The following CD180 variants were observed in gnomAD, a reference collection of about 807,000 sequenced individuals.
The protein encoded by CD180 is CD180 molecule, also known as CD180 antigen.
Under a neutral mutation model 10.7 loss-of-function variants are expected in CD180, and 11 were observed. The ratio of observed to expected loss-of-function variants is 1.03; its 90% confidence interval spans 0.65 to 1.70. The LOEUF is 1.70. Ranked by LOEUF, CD180 falls within the 40% of genes most tolerant of loss-of-function variation. CD180 has a pLI of 0.00. For synonymous variants in CD180, 286 were observed against 294.6 expected, an observed-to-expected ratio of 0.97 and a Z score of 0.30; for missense variants, 729 against 775.2, an observed-to-expected ratio of 0.94 and a Z score of 0.71.
rs1350110218 is a variant in CD180 at position 67,185,909 on chromosome 5, T to TGA, written c.198_199insTC (p.Thr67SerfsTer12). ...CTGCTGAAGGTTCTATTGTGAATTG[T>TGA]AGGCAAAAAATTAAAGCTGAATTCC... On this transcript the variant is annotated frameshift_variant, in exon 2 of 3. Coordinates refer to ENST00000256447, the MANE Select transcript of CD180 (RefSeq NM_005582.3). LOFTEE classifies it high-confidence loss of function. The TGA allele has an allele frequency of 1.2e-6, 2 of 1,611,934 alleles. No homozygotes were observed. The highest frequency in any genetic ancestry group is 2.2e-5 in the South Asian group (2 of 90,712).
rs1240751031 is a variant in CD180, at chr5:67,180,046, G to A, written c.*2811C>T. 1 of 152,266 alleles carries A rather than the reference G, an allele frequency of 6.6e-6. No individual in the cohort carries two copies. Among genetic ancestry groups the A allele is most frequent in the African/African-American group, 2.4e-5 (1 of 41,468 alleles). The allele number at this position is 152,266 out of a possible 1,614,324, so 9.4% of individuals were successfully genotyped here. ...GGTTAAAGCAATAAAATTGACAGCA[G>A]CCATCAACAAGCTCCCTTTCTGACT... is the stretch of plus-strand genomic sequence containing the variant. On this transcript the variant is annotated 3_prime_UTR_variant, in exon 3 of 3. Transcript: ENST00000256447.
chr5:67,180,661 A>T lies in CD180; in HGVS notation c.*2196T>A, dbSNP rs1176797073. ...TCAGCAGCATAGGCATGGTGGCAGA[A>T]CTAGGAGCTAATAAAGGCTCAGGGA... On this transcript the variant is annotated 3_prime_UTR_variant, in exon 3 of 3. Transcript: ENST00000256447. The T allele has an allele frequency of 6.6e-6, 1 of 152,262 alleles. No individual in the cohort carries two copies. The highest frequency in any genetic ancestry group is 1.5e-5 in the Non-Finnish European group (1 of 68,088). The allele number at this position is 152,262 out of a possible 1,614,324, so 9.4% of individuals were successfully genotyped here.
chr5:67,188,749 C>T (rs1319938478), intron 1 of CD180, among the ~76,000 whole-genome samples: 1 of 151,530 alleles, frequency 6.6e-6, no homozygotes, highest in Non-Finnish European at 1.5e-5. Context: ...TAGCCACAGA[C>T]ATGCTCATCT....
At position 67,183,928 on chromosome 5, in the gene CD180, C is replaced by G. The variant is rs753788276; in HGVS notation, c.915G>C (p.Leu305=). The part of the protein sequence containing the change: ...QCFTQLQELD[L]TATHLKGLPS... ...GTAACCCTTTCAAGTGAGTTGCTGT[C>G]AGATCCAATTCTTGGAGTTGGGTGA... Residue 305 remains leucine (L), a synonymous_variant, in exon 3 of 3, where the codon CTG becomes CTC. Transcript: ENST00000256447. 18 of 1,614,188 alleles carry G rather than the reference C, an allele frequency of 1.1e-5. No homozygotes were observed. The East Asian group carries it at 3.8e-4, about 34-fold the overall frequency.
chr5:67,185,794 A>T (rs1426117813), intron 2 of CD180, 57 bp downstream of exon 2: 4 of 1,338,946 alleles, frequency 3.0e-6, no homozygotes, highest in Non-Finnish European at 4.0e-6. Context: ...AATTAAGCAC[A>T]TACTGTATTT....
At position 67,196,695 on chromosome 5, in the gene CD180, A is replaced by T. The variant is rs1581832754; in HGVS notation, c.-54T>A. 4.3e-6 allele frequency: 7 copies of T among 1,612,104 alleles called. No homozygotes were observed. In the East Asian group the frequency reaches 1.6e-4, roughly 36 times the overall value. The stretch of plus-strand genomic sequence containing the variant: ...CCTAATGCTTGGAGCTGAGAAATGG[A>T]ATCAAACTGTGAAGGCCCTGGCAAT... On this transcript the variant is annotated 5_prime_UTR_variant, in exon 1 of 3. Transcript: ENST00000256447.
At position 67,181,268 on chromosome 5, in the gene CD180, G is replaced by A. The variant is rs186785936; in HGVS notation, c.*1589C>T. On this transcript the variant is annotated 3_prime_UTR_variant, in exon 3 of 3. Transcript: ENST00000256447. The stretch of plus-strand genomic sequence containing the variant: ...CATAGAGGTTGCTTTGGATTAGCTA[G>A]GTCAGAGAAGAAATCCCTCAAAGGA... 2.2e-4 allele frequency: 34 copies of A among 152,324 alleles called. No homozygotes were observed. The highest frequency in any genetic ancestry group is 8.2e-4 in the African/African-American group (34 of 41,562). 9.4% of individuals were successfully genotyped at this position (152,324 alleles called of 1,614,324 possible).
chr5:67,194,990 A>C (rs5744469), intron 1 of CD180, among the ~76,000 whole-genome samples: 11,550 of 152,202 alleles, frequency 0.076, 438 homozygotes, highest in African/African-American at 0.089. Context: ...TTGGACAAAC[A>C]AGAAGACACC....
chr5:67,186,887 A>AGAGAGC (rs1554036296), intron 1 of CD180, among the ~76,000 whole-genome samples: 4 of 144,114 alleles, frequency 2.8e-5, no homozygotes, highest in African/African-American at 1.2e-4. Flanking sequence ...AGAGAGAGAG[A>AGAGAGC]GAGAGAGAGA....
In CD180 at chr5:67,182,866, T is replaced by C. The variant is rs751830500; in HGVS notation, c.1977A>G (p.Gln659=). 1 of 1,601,992 alleles carries C rather than the reference T, an allele frequency of 6.2e-7. No homozygotes were observed. Among genetic ancestry groups the C allele is most frequent in the Non-Finnish European group, 8.5e-7 (1 of 1,174,024 alleles). Residue 659 remains glutamine, a synonymous_variant, in exon 3 of 3, where the codon CAA becomes CAG. Coordinates refer to ENST00000256447, the MANE Select transcript of CD180 (RefSeq NM_005582.3). ...CTGGAAACCTTCAGCACTAAATGTG[T>C]TGGTATTTCCACCTGAGAAGGTATT... ...AVKYLLRWKY[Q]HI
Position 67,192,124 on chromosome 5 carries a change from C to T in CD180, c.90+4428G>A, listed in dbSNP as rs767176763. On this transcript the variant is annotated intron_variant, in intron 1 of 2. Coordinates refer to ENST00000256447, the MANE Select transcript of CD180 (RefSeq NM_005582.3). ...AGAACTTTGGGGCCGGGCACGGTGG[C>T]TCACGCCTGTAATCCCAGCACTTTG... is the stretch of plus-strand genomic sequence containing the variant. Among the ~76,000 whole-genome samples, 3 of 152,172 alleles carry T rather than the reference C, an allele frequency of 2.0e-5. No homozygotes were observed. In the East Asian group the frequency reaches 5.8e-4, roughly 29 times the overall value.
Position 67,183,995 on chromosome 5 carries a change from T to C in CD180, c.848A>G (p.Glu283Gly), listed in dbSNP as rs768883962. The C allele has an allele frequency of 1.4e-5, 22 of 1,613,914 alleles. No homozygotes were observed. The South Asian group carries it at 2.4e-4, about 18-fold the overall frequency. ...EMSVESLNLQEHRFSDISSTT... is the reference protein window; with the variant it reads ...EMSVESLNLQGHRFSDISSTT... ...GGATGAGATGTCAGAGAAGCGGTGTTCCTGCAGGTTGAGGCTCTCAACAGA... is the reference window on the plus strand; with the variant it reads ...GGATGAGATGTCAGAGAAGCGGTGTCCCTGCAGGTTGAGGCTCTCAACAGA... The change falls in exon 3 of 3, where the codon GAA becomes GGA. Residue 283 changes from glutamate to glycine, a missense_variant. Coordinates refer to ENST00000256447, the MANE Select transcript of CD180 (RefSeq NM_005582.3).
At position 67,184,471 on chromosome 5, in the gene CD180, G is replaced by A. The variant is rs768586322; in HGVS notation, c.372C>T (p.Pro124=). ...TTAAGAAAAGATGCTTCAGTGACTT[G>A]GGCCCATTAAGCGATGTTTCTGCCA... ...IFMAETSLNG[P]KSLKHLFLIQ... Residue 124 remains proline, a synonymous_variant, in exon 3 of 3, where the codon CCC becomes CCT. Transcript: ENST00000256447. The A allele has an allele frequency of 1.9e-6, 3 of 1,614,102 alleles. No individual in the cohort carries two copies. The highest frequency in any genetic ancestry group is 1.6e-4 in the Middle Eastern group (1 of 6,062).
At chr5:67,191,000 G>A in intron 1 of CD180, 1 of 985,264 alleles carries the variant, frequency 1.0e-6, no homozygotes, top group Non-Finnish European at 1.2e-6. Context: ...CAGAAGTCTG[G>A]GACACTGACC....
intron 1 of CD180, among the ~76,000 whole-genome samples, chr5:67,194,756 C>G (rs1220454088): frequency 6.6e-6 from 1 of 152,216 alleles, no homozygotes; most frequent in African/African-American, 2.4e-5. Flanking sequence ...GGTGAGGGGA[C>G]AGCCTTCTGG....
chr5:67,183,522 A>G lies in CD180; in HGVS notation c.1321T>C (p.Phe441Leu). The G allele has an allele frequency of 6.2e-7, 1 of 1,614,220 alleles. No homozygotes were observed. Among genetic ancestry groups the G allele is most frequent in the Non-Finnish European group, 8.5e-7 (1 of 1,180,048 alleles). ...ACCTGAAGGAAATGGAGGTTTTGGA[A>G]GGGACTTTGTGGAGCATTAATGTGT... is the stretch of plus-strand genomic sequence containing the variant. Reference protein sequence around the residue: ...RLHINAPQSPFQNLHFLQVLN... With the variant: ...RLHINAPQSPLQNLHFLQVLN... The change falls in exon 3 of 3, where the codon TTC (phenylalanine) becomes CTC (leucine). Residue 441 changes from phenylalanine (F) to leucine (L), a missense_variant. Transcript: ENST00000256447.
chr5:67,186,372 C>T (rs5744517), intron 1 of CD180: 10,653 of 162,330 alleles, frequency 0.066, 966 homozygotes, highest in African/African-American at 0.21. Flanking sequence ...AAATGCAGAA[C>T]AATATATGTA....
intron 1 of CD180, among the ~76,000 whole-genome samples, chr5:67,194,597 G>C (rs1242076895): frequency 6.6e-6 from 1 of 152,166 alleles, no homozygotes; most frequent in African/African-American, 2.4e-5. Flanking sequence ...TGATTGATTT[G>C]AGTAATAACT....
intron 1 of CD180, chr5:67,191,082 C>T (rs563738601): frequency 3.0e-6 from 3 of 985,280 alleles, no homozygotes; most frequent in Admixed American, 6.1e-5. Flanking sequence ...CCCAGAGCAA[C>T]AATTAGTCTC....
Sources: allele counts gnomAD v4.1 joint callset (sites outside exome capture counted in the v4.1 genomes callset), GRCh38; gene constraint gnomAD v4.1.1; transcripts MANE v1.5; gene names NCBI Gene and HGNC (gene_info 2026-07-23, HGNC 2026-07-21).